The following SLC25A21 variants were observed in gnomAD, a reference collection of about 807,000 sequenced individuals.
SLC25A21 encodes solute carrier family 25 member 21.
SLC25A21 carries 47 observed loss-of-function variants against 43.8 expected under a neutral mutation model. The observed-to-expected ratio is 1.07, with a 90% confidence interval of 0.85 to 1.37. SLC25A21 has a LOEUF of 1.37. Ranked by LOEUF, SLC25A21 falls within the 40% of genes most tolerant of loss-of-function variation. The probability of loss-of-function intolerance (pLI) is 0.00; values close to 1 mark genes in which losing one functional copy is unlikely to be tolerated. For missense variants in SLC25A21, 352 were observed against 350.2 expected, an observed-to-expected ratio of 1.00 and a Z score of -0.04; for synonymous variants, 131 against 121.3, an observed-to-expected ratio of 1.08 and a Z score of -0.52.
chr14:36,869,800 T>C lies in SLC25A21; in HGVS notation c.119+5156A>G, dbSNP rs140215069. 3.1e-3 allele frequency among the ~76,000 whole-genome samples: 478 copies of C among 152,258 alleles called. 5 individuals are homozygous for C. The highest frequency in any genetic ancestry group is 0.011 in the African/African-American group (451 of 41,562). ...CAATCTTGATTGAAAGATTCTTCAT[T>C]GGAGAAATAGTATCCCCAGAAAAGA... On this transcript the variant is annotated intron_variant, in intron 2 of 9. Transcript: ENST00000331299.
intron 1 of SLC25A21, among the ~76,000 whole-genome samples, chr14:36,893,388 A>T (rs951479991): frequency 6.6e-6 from 1 of 151,844 alleles, no homozygotes; most frequent in Non-Finnish European, 1.5e-5. Context: ...CCACTTTTTG[A>T]TGGGGTTGTT....
intron 1 of SLC25A21, among the ~76,000 whole-genome samples, chr14:36,957,343 G>A: frequency 6.6e-6 from 1 of 151,990 alleles, no homozygotes; most frequent in East Asian, 1.9e-4. Flanking sequence ...AGCGTTCAGA[G>A]CTGATGCTAG....
intron 1 of SLC25A21, among the ~76,000 whole-genome samples, chr14:36,892,550 CT>C (rs901292134): frequency 2.1e-4 from 32 of 148,996 alleles, no homozygotes; most frequent in South Asian, 1.3e-3. Flanking sequence ...CATAATCTCA[CT>C]TTTTTTTTTA....
At chr14:37,082,516 A>G (rs1962408065) in intron 1 of SLC25A21, among the ~76,000 whole-genome samples, 6 of 152,200 alleles carry the variant, frequency 3.9e-5, no homozygotes, top group Admixed American at 3.9e-4. Context: ...TGTCTTCCTA[A>G]ACCTTTAGTC....
At chr14:37,037,969 T>C (rs1961364654) in intron 1 of SLC25A21, among the ~76,000 whole-genome samples, 1 of 152,178 alleles carries the variant, frequency 6.6e-6, no homozygotes, top group South Asian at 2.1e-4. Context: ...CTTCTGTTCT[T>C]TTGTTCTTTC....
At position 36,710,442 on chromosome 14, in the gene SLC25A21, A is replaced by AAGAG. The variant is rs1012683469; in HGVS notation, c.603+875_603+876insCTCT. On this transcript the variant is annotated intron_variant, in intron 7 of 9. Transcript: ENST00000331299. ...AAAAAAAGAAAGAAAGAAAGAAAGA[A>AAGAG]AAAGAAAGAAACAGGGTCTTACTCT... Among the ~76,000 whole-genome samples, 31 of 151,752 alleles carry AAGAG rather than the reference A, an allele frequency of 2.0e-4. 2 individuals carry two copies. Among genetic ancestry groups the AAGAG allele is most frequent in the African/African-American group, 5.3e-4 (22 of 41,306 alleles).
intron 1 of SLC25A21, among the ~76,000 whole-genome samples, chr14:37,001,195 T>C (rs968181253): frequency 6.6e-6 from 1 of 152,202 alleles, no homozygotes; most frequent in Non-Finnish European, 1.5e-5. Context: ...AGCTTAACTA[T>C]TGTAGCTTCA....
chr14:36,942,537 T>C (rs1026177541), intron 1 of SLC25A21, among the ~76,000 whole-genome samples: 1 of 152,218 alleles, frequency 6.6e-6, no homozygotes, highest in Admixed American at 6.5e-5. Context: ...GAAAAGTATC[T>C]GGAGTAATTA....
chr14:36,916,039 C>T (rs1298556393), intron 1 of SLC25A21, among the ~76,000 whole-genome samples: 1 of 152,086 alleles, frequency 6.6e-6, no homozygotes, highest in African/African-American at 2.4e-5. Context: ...CATGGAAGTA[C>T]AAAAGAGATG....
chr14:36,935,189 A>G (rs1892390398), intron 1 of SLC25A21, among the ~76,000 whole-genome samples: 1 of 152,184 alleles, frequency 6.6e-6, no homozygotes, highest in African/African-American at 2.4e-5. Flanking sequence ...CACACTATCC[A>G]GAATGCGGCT....
chr14:36,749,873 T>C (rs1566570821), intron 3 of SLC25A21, among the ~76,000 whole-genome samples: 2 of 152,214 alleles, frequency 1.3e-5, no homozygotes, highest in Non-Finnish European at 2.9e-5. Flanking sequence ...CTATTCCTTC[T>C]GTCTGCTTTA....
At chr14:37,154,998 A>T (rs1030253267) in intron 1 of SLC25A21, among the ~76,000 whole-genome samples, 2 of 152,156 alleles carry the variant, frequency 1.3e-5, no homozygotes, top group Non-Finnish European at 2.9e-5. Context: ...CATTGAAAGA[A>T]ATAAAAAATA....
intron 1 of SLC25A21, among the ~76,000 whole-genome samples, chr14:37,158,663 A>C (rs1217872204): frequency 6.6e-6 from 1 of 152,150 alleles, no homozygotes. Context: ...TCCTCTAAGA[A>C]CCAGAACACT....
At chr14:36,903,681 A>C (rs900540852) in intron 1 of SLC25A21, among the ~76,000 whole-genome samples, 1 of 87,568 alleles carries the variant, frequency 1.1e-5, no homozygotes, top group Admixed American at 1.1e-4. Context: ...GTTTTCACAT[A>C]AAAAAAAATC....
At chr14:36,979,505 G>A (rs935097127) in intron 1 of SLC25A21, among the ~76,000 whole-genome samples, 3 of 152,008 alleles carry the variant, frequency 2.0e-5, no homozygotes, top group South Asian at 2.1e-4. Flanking sequence ...ACCGGTGTGC[G>A]CTGCCACACC....
At position 36,826,482 on chromosome 14, in the gene SLC25A21, G is replaced by A. The variant is rs992762823; in HGVS notation, c.120-12481C>T. 9.2e-5 allele frequency among the ~76,000 whole-genome samples: 14 copies of A among 152,072 alleles called. No individual in the cohort carries two copies. The South Asian group carries it at 1.9e-3, about 20-fold the overall frequency. ...CTAAGCCACTCTCCCTGCTCTGGGA[G>A]CCTCCTCCCACTCTTTCTCAGCCAC... On this transcript the variant is annotated intron_variant, in intron 2 of 9. Coordinates refer to ENST00000331299, the MANE Select transcript of SLC25A21 (RefSeq NM_030631.4).
At chr14:36,813,130 T>G (rs188466051) in intron 3 of SLC25A21, among the ~76,000 whole-genome samples, 2 of 152,198 alleles carry the variant, frequency 1.3e-5, no homozygotes, top group East Asian at 3.9e-4. Flanking sequence ...AACGTGCAGG[T>G]TTGTTACACA....
At position 36,679,909 on chromosome 14, in the gene SLC25A21, G is replaced by C; in HGVS notation, c.*749C>G. The C allele has an allele frequency of 1.1e-6, 1 of 948,774 alleles. No individual in the cohort carries two copies. The highest frequency in any genetic ancestry group is 1.3e-6 in the Non-Finnish European group (1 of 796,974). The allele number at this position is 948,774 out of a possible 1,614,324, so 58.8% of individuals were successfully genotyped here. A position where few individuals can be genotyped will look rare whatever the true frequency, so the allele number is the denominator to read the frequency against. ...AAATTTTATTTCATGTTTCCTACTT[G>C]TGTTAGAAGAGATTTGGAATACCTT... On this transcript the variant is annotated 3_prime_UTR_variant, in exon 10 of 10. Coordinates refer to ENST00000331299, the MANE Select transcript of SLC25A21 (RefSeq NM_030631.4).
intron 1 of SLC25A21, among the ~76,000 whole-genome samples, chr14:36,879,899 C>A (rs1890661150): frequency 6.6e-6 from 1 of 151,920 alleles, no homozygotes; most frequent in Admixed American, 6.6e-5. Flanking sequence ...GTGTTCAATT[C>A]CTAGAACTTT....
Sources: gnomAD v4.1 joint callset for allele counts (sites outside exome capture counted in the v4.1 genomes callset) on GRCh38, gnomAD v4.1.1 for gene constraint, MANE v1.5 for transcripts, NCBI Gene and HGNC (gene_info 2026-07-23, HGNC 2026-07-21) for gene names.